Variants in MTREX observed in about 807,000 individuals in gnomAD.
MTREX encodes the protein Mtr4 exosome RNA helicase.
Under a neutral mutation model 135.4 loss-of-function variants are expected in MTREX, and 76 were observed. The ratio of observed to expected loss-of-function variants is 0.56; its 90% CI spans 0.47 to 0.68. MTREX has a LOEUF of 0.68. Among genes scored for constraint, MTREX ranks in the 30% least tolerant of loss-of-function variants. The pLI, the probability that MTREX is intolerant of heterozygous loss-of-function variation, is 0.00. For missense variants in MTREX, 920 were observed against 1,262.1 expected, an observed-to-expected ratio of 0.73 and a Z score of 4.11; for synonymous variants, 404 against 401.6, an observed-to-expected ratio of 1.01 and a Z score of -0.07.
intron 19 of MTREX, among the ~76,000 whole-genome samples, chr5:55,391,899 C>G (rs751487965): frequency 1.6e-4 from 24 of 152,162 alleles, no homozygotes; most frequent in Non-Finnish European, 3.1e-4. Context: ...TGTAAGCCAT[C>G]TGGAAGGTCA....
At chr5:55,342,011 G>A (rs1217304482) in intron 7 of MTREX, among the ~76,000 whole-genome samples, 2 of 152,068 alleles carry the variant, frequency 1.3e-5, no homozygotes, top group Non-Finnish European at 2.9e-5. Context: ...CTGCAGCCTT[G>A]ATCTCCATCT....
At chr5:55,417,576 A>C (rs1348749136) in intron 25 of MTREX, among the ~76,000 whole-genome samples, 1 of 152,236 alleles carries the variant, frequency 6.6e-6, no homozygotes, top group Non-Finnish European at 1.5e-5. Context: ...ATGTTTAGCA[A>C]CATCTCTAAT....
chr5:55,408,451 A>C (rs1463732469), intron 22 of MTREX, among the ~76,000 whole-genome samples: 2 of 151,890 alleles, frequency 1.3e-5, no homozygotes, highest in Non-Finnish European at 2.9e-5. Context: ...GTATTGTTGC[A>C]CTCTTTGCTT....
intron 1 of MTREX, among the ~76,000 whole-genome samples, chr5:55,309,134 G>T (rs539677246): frequency 7.2e-5 from 11 of 152,288 alleles, no homozygotes; most frequent in African/African-American, 2.6e-4. Context: ...TAAGGAAATT[G>T]TGTTGTTAAT....
chr5:55,361,224 C>T (rs867259925), intron 15 of MTREX, among the ~76,000 whole-genome samples: 7 of 152,266 alleles, frequency 4.6e-5, no homozygotes, highest in South Asian at 2.1e-4. Flanking sequence ...AATAGAAATA[C>T]TGAGTACTTA....
chr5:55,351,116 G>A, intron 13 of MTREX, 87 bp downstream of exon 13: 1 of 1,387,848 alleles, frequency 7.2e-7, no homozygotes, highest in Non-Finnish European at 9.3e-7. Flanking sequence ...TAGGCAATAT[G>A]TGTGTTTTTA....
intron 16 of MTREX, among the ~76,000 whole-genome samples, chr5:55,375,588 A>G (rs1298429657): frequency 6.6e-6 from 1 of 152,186 alleles, no homozygotes; most frequent in African/African-American, 2.4e-5. Flanking sequence ...ATGTTGCTCA[A>G]ACACACATGT....
At chr5:55,383,830 T>G (rs572866922) in intron 18 of MTREX, among the ~76,000 whole-genome samples, 2 of 152,176 alleles carry the variant, frequency 1.3e-5, no homozygotes, top group South Asian at 4.1e-4. Flanking sequence ...AGTGCAGTGG[T>G]GCAATCATGG....
chr5:55,396,787 GC>G (rs1750653291), intron 19 of MTREX, among the ~76,000 whole-genome samples: 1 of 152,138 alleles, frequency 6.6e-6, no homozygotes, highest in South Asian at 2.1e-4. Context: ...TGTAAAAGTA[GC>G]CATGGAAGAC....
Position 55,362,599 on chromosome 5 carries a change from G to A in MTREX, c.1659+3901G>A, listed in dbSNP as rs190294897. On this transcript the variant is annotated intron_variant, in intron 15 of 26. Transcript: ENST00000230640. ...TGGTCTTGAACTCCTGACCTCAGGT[G>A]ATCCACCCACCTTGGCCTCCCAAAG... 3.4e-3 allele frequency among the ~76,000 whole-genome samples: 511 copies of A among 152,172 alleles called. 4 individuals are homozygous for A. Among genetic ancestry groups the A allele is most frequent in the African/African-American group, 0.012 (485 of 41,520 alleles).
At chr5:55,323,428 C>CT (rs914605768) in intron 2 of MTREX, among the ~76,000 whole-genome samples, 238 of 147,254 alleles carry the variant, frequency 1.6e-3, no homozygotes, top group Non-Finnish European at 2.5e-3. Flanking sequence ...GAATAAGGAA[C>CT]TTTTTTTTTT....
At chr5:55,398,536 ATATCT>A (rs1457492301) in intron 20 of MTREX, among the ~76,000 whole-genome samples, 1 of 152,358 alleles carries the variant, frequency 6.6e-6, no homozygotes, top group Non-Finnish European at 1.5e-5. Flanking sequence ...TAGTAAATAA[ATATCT>A]TATAAGTTCA....
At chr5:55,366,641 G>T in intron 15 of MTREX, 84 bp from the exon 16 acceptor site, 1 of 997,376 alleles carries the variant, frequency 1.0e-6, no homozygotes, top group Non-Finnish European at 1.4e-6. Context: ...AATGTAGACT[G>T]TTATTGAGCA....
intron 1 of MTREX, 84 bp downstream of exon 1, chr5:55,308,231 G>A (rs542835433): frequency 2.9e-5 from 42 of 1,459,768 alleles, no homozygotes; most frequent in Non-Finnish European, 3.8e-5. Flanking sequence ...AAGAGCACGA[G>A]AAAGTGAAGT....
intron 18 of MTREX, among the ~76,000 whole-genome samples, chr5:55,381,139 A>G (rs1008249191): frequency 6.6e-5 from 10 of 152,104 alleles, no homozygotes; most frequent in African/African-American, 2.4e-4. Context: ...TATCTGACCT[A>G]GTAGTTTAAA....
intron 1 of MTREX, among the ~76,000 whole-genome samples, chr5:55,322,031 A>G (rs1749297533): frequency 1.3e-5 from 2 of 152,246 alleles, no homozygotes; most frequent in African/African-American, 4.8e-5. Context: ...ACTCATGTTA[A>G]TGTCTAATGA....
At chr5:55,330,136 T>A (rs1749448722) in intron 5 of MTREX, among the ~76,000 whole-genome samples, 1 of 152,048 alleles carries the variant, frequency 6.6e-6, no homozygotes, top group Non-Finnish European at 1.5e-5. Context: ...TGGAGTGCAG[T>A]GGCACAAACA....
rs1749794220 is a variant in MTREX, at chr5:55,349,569, C to T, written c.1241-4C>T. 1 of 1,532,918 alleles carries T rather than the reference C, an allele frequency of 6.5e-7. No individual in the cohort carries two copies. Among genetic ancestry groups the T allele is most frequent in the East Asian group, 2.3e-5 (1 of 44,260 alleles). The allele number at this position is 1,532,918 out of a possible 1,614,324, so 95.0% of individuals were successfully genotyped here. ...TATTTCTGTACCCTTGAATTTTCTC[C>T]TAGATGAAGAAAAGAAGATGGTTGA... is the stretch of plus-strand genomic sequence containing the variant. On this transcript the variant is annotated splice_polypyrimidine_tract_variant and splice_region_variant and intron_variant, in intron 11 of 26. Transcript: ENST00000230640.
At chr5:55,406,446 T>C (rs1750809331) in intron 22 of MTREX, among the ~76,000 whole-genome samples, 1 of 152,226 alleles carries the variant, frequency 6.6e-6, no homozygotes, top group Non-Finnish European at 1.5e-5. Context: ...ACATGGTAGC[T>C]GAAGGCTCCA....
Sources: allele counts gnomAD v4.1 joint callset (sites outside exome capture counted in the v4.1 genomes callset), GRCh38; gene constraint gnomAD v4.1.1; transcripts MANE v1.5; gene names NCBI Gene and HGNC (gene_info 2026-07-23, HGNC 2026-07-21).